The following CNKSR2 variants were observed in gnomAD, a reference collection of about 807,000 sequenced individuals.
CNKSR2 encodes the protein connector enhancer of kinase suppressor of Ras 2.
CNKSR2 carries 14 observed loss-of-function variants against 84.4 expected under a neutral mutation model. The observed-to-expected ratio is 0.17, with a 90% CI of 0.11 to 0.26. The LOEUF (loss-of-function observed/expected upper bound fraction) is 0.26. Among genes scored for constraint, CNKSR2 ranks in the 10% least tolerant of loss-of-function variants. The pLI is 1.00. For missense variants in CNKSR2, 485 were observed against 771.2 expected, an observed-to-expected ratio of 0.63 and a Z score of 4.40; for synonymous variants, 275 against 277.9, an observed-to-expected ratio of 0.99 and a Z score of 0.10.
At chrX:21,462,320 T>C (rs762200177) in intron 4 of CNKSR2, among the ~76,000 whole-genome samples, 26 of 112,318 alleles carry the variant, frequency 2.3e-4, no homozygotes, top group Non-Finnish European at 3.4e-4. Context: ...ATTTTTGTTT[T>C]CTTTTTCAAA....
chrX:21,617,911 A>AC (rs113032190), intron 20 of CNKSR2, among the ~76,000 whole-genome samples: 1,674 of 58,404 alleles, frequency 0.029, 68 homozygotes, highest in African/African-American at 0.1. Context: ...CCACAAACAC[A>AC]CCCCCCCACA....
chrX:21,377,198 C>T (rs1417489705), intron 1 of CNKSR2, among the ~76,000 whole-genome samples: 1 of 111,182 alleles, frequency 9.0e-6, no homozygotes, highest in Admixed American at 9.5e-5. Context: ...ATTTCAAATC[C>T]CAGACTACTT....
chrX:21,379,197 A>G (rs1225030140), intron 1 of CNKSR2, among the ~76,000 whole-genome samples: 1 of 112,966 alleles, frequency 8.9e-6, no homozygotes, highest in Non-Finnish European at 1.9e-5. Flanking sequence ...TGACAGGTAC[A>G]ATACTCTTTA....
chrX:21,637,366 A>G (rs1047187147), intron 20 of CNKSR2: 3 of 111,699 alleles, frequency 2.7e-5, no homozygotes, highest in African/African-American at 9.7e-5. Flanking sequence ...AGGTTCATCA[A>G]ATATTTTATT....
At chrX:21,426,687 G>T (rs2090568831) in intron 2 of CNKSR2, 27 bp downstream of exon 2, 1 of 1,152,998 alleles carries the variant, frequency 8.7e-7, no homozygotes, top group Non-Finnish European at 1.1e-6. Flanking sequence ...GGTGAAGAGG[G>T]AAACTTCTCT....
chrX:21,400,469 A>G lies in CNKSR2; in HGVS notation c.64+25508A>G, dbSNP rs780319722. Among the ~76,000 whole-genome samples, 9 of 111,478 alleles carry G rather than the reference A, an allele frequency of 8.1e-5. No individual in the cohort carries two copies. In the South Asian group the frequency reaches 3.4e-3, roughly 42 times the overall value. On this transcript the variant is annotated intron_variant, in intron 1 of 21. Coordinates refer to ENST00000379510, the MANE Select transcript of CNKSR2 (RefSeq NM_014927.5). ...CTTAGCAGTATCTGAATTTCTGAAGACTTTAAGAATAGTATTTGGCACATG... is the reference window on the plus strand; with the variant it reads ...CTTAGCAGTATCTGAATTTCTGAAGGCTTTAAGAATAGTATTTGGCACATG...
rs1236209284 is a variant in CNKSR2 at position 21,609,146 on chromosome X, T to C, written c.2221T>C (p.Ser741Pro). The change falls in exon 20 of 22, where the codon TCT (serine) becomes CCT (proline). Residue 741 changes from serine (S) to proline (P), a missense_variant. Ser to Pro is a moderately conservative substitution (Grantham distance 74). Coordinates refer to ENST00000379510, the MANE Select transcript of CNKSR2 (RefSeq NM_014927.5). Reference sequence around the variant, plus strand: ...CACGGAGACTTCTCAGTCTCAGTCTTCTCATGAGGAGTTTCGCCAGGAAGT... The same window carrying C: ...CACGGAGACTTCTCAGTCTCAGTCTCCTCATGAGGAGTTTCGCCAGGAAGT... The part of the protein sequence containing the change: ...SSTETSQSQS[S>P]HEEFRQEVTG... 1 of 1,211,468 alleles carries C rather than the reference T, an allele frequency of 8.3e-7. No individual in the cohort carries two copies. Among genetic ancestry groups the C allele is most frequent in the Admixed American group, 2.2e-5 (1 of 46,003 alleles).
At chrX:21,417,047 C>T (rs1188956825) in intron 1 of CNKSR2, among the ~76,000 whole-genome samples, 1 of 109,281 alleles carries the variant, frequency 9.2e-6, no homozygotes, top group Admixed American at 9.7e-5. Context: ...GAGGTAAGCA[C>T]ATATAACTAT....
chrX:21,484,431 A>G (rs1209783925), intron 5 of CNKSR2, among the ~76,000 whole-genome samples: 1 of 112,231 alleles, frequency 8.9e-6, no homozygotes, highest in African/African-American at 3.2e-5. Context: ...TTTCATTACT[A>G]TTTTCCATGC....
intron 9 of CNKSR2, among the ~76,000 whole-genome samples, chrX:21,525,824 G>A (rs2091829831): frequency 9.0e-6 from 1 of 111,005 alleles, no homozygotes; most frequent in Non-Finnish European, 1.9e-5. Context: ...GGCTAAAATG[G>A]CAACATCTTG....
chrX:21,506,540 A>G (rs1027207998), intron 8 of CNKSR2: 3 of 111,784 alleles, frequency 2.7e-5, no homozygotes, highest in African/African-American at 9.7e-5. Flanking sequence ...AGAGAAATCA[A>G]TTTATTACTT....
intron 2 of CNKSR2, among the ~76,000 whole-genome samples, chrX:21,430,645 G>A (rs1053884728): frequency 9.0e-5 from 10 of 111,638 alleles, no homozygotes; most frequent in African/African-American, 3.2e-4. Flanking sequence ...CTTTAACACA[G>A]GGAAAACTTC....
At chrX:21,637,290 G>C (rs939538582) in intron 20 of CNKSR2, 1 of 111,203 alleles carries the variant, frequency 9.0e-6, no homozygotes, top group Admixed American at 9.6e-5. Context: ...ATTGTGATTT[G>C]GGAATTTAGA....
chrX:21,478,110 C>T (rs745729147), intron 5 of CNKSR2, among the ~76,000 whole-genome samples: 1 of 111,472 alleles, frequency 9.0e-6, no homozygotes, highest in African/African-American at 3.3e-5. Flanking sequence ...AGATGAAAAA[C>T]GTAAGATGCT....
At chrX:21,570,002 G>A (rs1351951083) in intron 13 of CNKSR2, among the ~76,000 whole-genome samples, 2 of 111,981 alleles carry the variant, frequency 1.8e-5, no homozygotes, top group Non-Finnish European at 3.8e-5. Flanking sequence ...TAAAGTACAG[G>A]CAGAGTTAAT....
At chrX:21,470,695 A>G (rs2091186584) in intron 4 of CNKSR2, 71 bp from the exon 5 acceptor site, 2 of 552,481 alleles carry the variant, frequency 3.6e-6, no homozygotes, top group Non-Finnish European at 2.8e-6. Flanking sequence ...TTATAGTATA[A>G]TTTCTAAGAA....
At chrX:21,379,317 G>T (rs565167761) in intron 1 of CNKSR2, among the ~76,000 whole-genome samples, 1 of 112,375 alleles carries the variant, frequency 8.9e-6, no homozygotes, top group African/African-American at 3.2e-5. Context: ...AGAGAGATTG[G>T]AAATAATTTT....
chrX:21,436,406 A>G (rs771156276), intron 3 of CNKSR2, among the ~76,000 whole-genome samples: 184 of 111,913 alleles, frequency 1.6e-3, no homozygotes, highest in African/African-American at 5.6e-3. Flanking sequence ...TAATGTACAA[A>G]GAATAATTTC....
At chrX:21,515,548 A>G (rs1023519618) in intron 8 of CNKSR2, among the ~76,000 whole-genome samples, 1 of 111,097 alleles carries the variant, frequency 9.0e-6, no homozygotes, top group African/African-American at 3.3e-5. Context: ...TCTAAATGTG[A>G]ATTTTTTTTA....
Sources: gnomAD v4.1 joint callset for allele counts (sites outside exome capture counted in the v4.1 genomes callset) on GRCh38, gnomAD v4.1.1 for gene constraint, MANE v1.5 for transcripts, NCBI Gene and HGNC (gene_info 2026-07-23, HGNC 2026-07-21) for gene names.